EEPD1: variants seen among roughly 807,000 people sequenced by gnomAD.
EEPD1 encodes the protein endonuclease/exonuclease/phosphatase family domain-containing protein 1.
Under a neutral mutation model 46.3 loss-of-function variants are expected in EEPD1, and 17 were observed. The observed-to-expected ratio is 0.37, with a 90% CI of 0.25 to 0.55. The LOEUF (loss-of-function observed/expected upper bound fraction) is 0.55, where lower values mean the gene tolerates loss of function less well. Ranked by LOEUF, EEPD1 falls within the 20% of genes least tolerant of loss-of-function variation. The probability of loss-of-function intolerance (pLI) is 0.83; values close to 1 mark genes in which losing one functional copy is unlikely to be tolerated. For missense variants in EEPD1, 673 were observed against 745.6 expected (o/e 0.90, Z 1.13); for synonymous variants, 313 against 315.6 (o/e 0.99, Z 0.09).
At chr7:36,241,771 G>T (rs575015309) in intron 3 of EEPD1, among the ~76,000 whole-genome samples, 21 of 152,194 alleles carry the variant, frequency 1.4e-4, no homozygotes, top group African/African-American at 5.1e-4. Context: ...AGGAGGCTGA[G>T]GCAGGATAAT....
At chr7:36,263,238 G>A (rs1348497145) in intron 3 of EEPD1, among the ~76,000 whole-genome samples, 7 of 152,092 alleles carry the variant, frequency 4.6e-5, no homozygotes, top group African/African-American at 9.7e-5. Context: ...AGGCTGAGGC[G>A]TGAGTATTGC....
chr7:36,163,270 T>C (rs986977556), intron 2 of EEPD1, among the ~76,000 whole-genome samples: 43 of 152,024 alleles, frequency 2.8e-4, no homozygotes, highest in Middle Eastern at 6.8e-3. Context: ...TTTTTTTTTT[T>C]CCTTTTCAAA....
intron 2 of EEPD1, among the ~76,000 whole-genome samples, chr7:36,172,335 C>T (rs965547860): frequency 2.6e-5 from 4 of 152,150 alleles, no homozygotes; most frequent in African/African-American, 9.7e-5. Context: ...TGTCTCATAC[C>T]CTGAGAGAAG....
chr7:36,184,733 TAA>T (rs1263340737), intron 2 of EEPD1, among the ~76,000 whole-genome samples: 19 of 152,146 alleles, frequency 1.2e-4, no homozygotes, highest in Admixed American at 1.2e-3. Context: ...TTTTTTTAAT[TAA>T]AAAAAATTTT....
At chr7:36,164,536 G>T (rs1189664680) in intron 2 of EEPD1, among the ~76,000 whole-genome samples, 1 of 152,162 alleles carries the variant, frequency 6.6e-6, no homozygotes, top group Admixed American at 6.5e-5. Flanking sequence ...TTTTTAAAAA[G>T]GTTACTGTTG....
rs542176376 is a variant in EEPD1, at chr7:36,295,635, G to A, written c.1316-1358G>A. ...TGAGAGGAATTTCCTTAGGTTGCTGGGGAGGGTTGAAACCAGAGCAGCCTT... is the reference window on the plus strand; with the variant it reads ...TGAGAGGAATTTCCTTAGGTTGCTGAGGAGGGTTGAAACCAGAGCAGCCTT... On this transcript the variant is annotated intron_variant, in intron 6 of 7. Transcript: ENST00000242108. 5.3e-5 allele frequency among the ~76,000 whole-genome samples: 8 copies of A among 152,286 alleles called. No homozygotes were observed. In the East Asian group the frequency reaches 9.7e-4, roughly 18 times the overall value.
chr7:36,163,136 A>C (rs1265191426), intron 2 of EEPD1, among the ~76,000 whole-genome samples: 1 of 151,676 alleles, frequency 6.6e-6, no homozygotes, highest in Non-Finnish European at 1.5e-5. Context: ...TTGAATGGGA[A>C]AAAGCCAATA....
In EEPD1 at chr7:36,207,637, G is replaced by A. The variant is rs563416546; in HGVS notation, c.879-31348G>A. ...AGGGTTCCAGCCCTAGAACCTGCTC[G>A]ATCAGGTGACCTCAATTCCAGGGTC... On this transcript the variant is annotated intron_variant, in intron 2 of 7. Transcript: ENST00000242108. 8.5e-5 allele frequency among the ~76,000 whole-genome samples: 13 copies of A among 152,322 alleles called. No homozygotes were observed. In the South Asian group the frequency reaches 2.1e-3, roughly 24 times the overall value.
chr7:36,189,405 AAC>A (rs1785422790), intron 2 of EEPD1, among the ~76,000 whole-genome samples: 2 of 152,274 alleles, frequency 1.3e-5, no homozygotes, highest in Admixed American at 6.5e-5. Flanking sequence ...TGTTAAAACT[AAC>A]ATTATTATTA....
chr7:36,270,462 C>T (rs1210297404), intron 3 of EEPD1, among the ~76,000 whole-genome samples: 1 of 152,118 alleles, frequency 6.6e-6, no homozygotes, highest in African/African-American at 2.4e-5. Context: ...TCCCTAGCCC[C>T]CAACCCCCAA....
rs144472662 is a variant in EEPD1 at position 36,245,862 on chromosome 7, T to C, written c.930+6826T>C. 3.0e-4 allele frequency among the ~76,000 whole-genome samples: 45 copies of C among 152,320 alleles called. 1 individual carries two copies. In the East Asian group the frequency reaches 8.3e-3, roughly 28 times the overall value. On this transcript the variant is annotated intron_variant, in intron 3 of 7. Transcript: ENST00000242108. ...GTAAGAAGGATACATGTCATGCAGT[T>C]CTCTGTTGTTTTTGCTCTGAGAGTG...
At chr7:36,267,322 G>GC (rs1787037922) in intron 3 of EEPD1, among the ~76,000 whole-genome samples, 1 of 152,086 alleles carries the variant, frequency 6.6e-6, no homozygotes, top group African/African-American at 2.4e-5. Flanking sequence ...GGGTATGGGG[G>GC]CCCCTGCATG....
chr7:36,296,887 T>C, intron 6 of EEPD1, 106 bp from the exon 7 acceptor site: 3 of 1,142,898 alleles, frequency 2.6e-6, no homozygotes, highest in South Asian at 1.5e-5. Flanking sequence ...ACTAACCCCA[T>C]GGGAGTCAAG....
intron 3 of EEPD1, among the ~76,000 whole-genome samples, chr7:36,257,230 C>A (rs1423430417): frequency 1.3e-5 from 2 of 151,828 alleles, no homozygotes; most frequent in African/African-American, 4.8e-5. Flanking sequence ...GTAACCTGAT[C>A]TTTCCTTCTG....
chr7:36,196,887 G>C (rs1005613933), intron 2 of EEPD1, among the ~76,000 whole-genome samples: 4 of 151,564 alleles, frequency 2.6e-5, no homozygotes, highest in Non-Finnish European at 5.9e-5. Flanking sequence ...TCTGGGATGT[G>C]AGGAGCCCCT....
intron 3 of EEPD1, among the ~76,000 whole-genome samples, chr7:36,278,511 G>C (rs1352254705): frequency 1.3e-5 from 2 of 149,120 alleles, no homozygotes; most frequent in African/African-American, 4.9e-5. Flanking sequence ...GGGGGCGGTG[G>C]GGGGGGCGCT....
rs741297 is a variant in EEPD1, at chr7:36,285,163, A to G, written c.1176+343A>G. On this transcript the variant is annotated intron_variant, in intron 5 of 7. Coordinates refer to ENST00000242108, the MANE Select transcript of EEPD1 (RefSeq NM_030636.3). Reference sequence around the variant, plus strand: ...GATTCCTAGACCCCACCTCAGACATACAGAATTTGGGGGATTATCCGGATG... The same window carrying G: ...GATTCCTAGACCCCACCTCAGACATGCAGAATTTGGGGGATTATCCGGATG... Among the ~76,000 whole-genome samples, 618 of 152,206 alleles carry G rather than the reference A, an allele frequency of 4.1e-3. 6 individuals carry two copies. The highest frequency in any genetic ancestry group is 0.014 in the African/African-American group (588 of 41,520).
chr7:36,236,563 C>T (rs952438519), intron 2 of EEPD1, among the ~76,000 whole-genome samples: 9 of 152,206 alleles, frequency 5.9e-5, no homozygotes, highest in Non-Finnish European at 1.3e-4. Context: ...CACAAAGTCC[C>T]GCTGCCAGTG....
chr7:36,213,325 G>C (rs1490081475), intron 2 of EEPD1, among the ~76,000 whole-genome samples: 1 of 152,116 alleles, frequency 6.6e-6, no homozygotes, highest in Admixed American at 6.6e-5. Context: ...AGAATAGTGT[G>C]ACTCGGGCTT....
Sources: allele counts gnomAD v4.1 joint callset (sites outside exome capture counted in the v4.1 genomes callset), GRCh38; gene constraint gnomAD v4.1.1; transcripts MANE v1.5; gene names NCBI Gene and HGNC (gene_info 2026-07-23, HGNC 2026-07-21).